The following TEX9 variants were observed in gnomAD, a reference collection of about 807,000 sequenced individuals.
TEX9 encodes the protein testis-expressed protein 9.
TEX9 carries 74 observed loss-of-function variants against 59.6 expected under a neutral mutation model. The observed-to-expected ratio is 1.24, with a 90% CI of 1.03 to 1.51. The LOEUF (loss-of-function observed/expected upper bound fraction) is 1.51, where lower values mean the gene tolerates loss of function less well. Ranked by LOEUF, TEX9 falls within the 40% of genes most tolerant of loss-of-function variation. TEX9 has a pLI of 0.00. For missense variants in TEX9, 522 were observed against 447.8 expected, an observed-to-expected ratio of 1.17 and a Z score of -1.49; for synonymous variants, 186 against 152.2, an observed-to-expected ratio of 1.22 and a Z score of -1.64.
intron 1 of TEX9, among the ~76,000 whole-genome samples, chr15:56,322,417 G>A (rs1000327169): frequency 1.3e-5 from 2 of 152,298 alleles, no homozygotes; most frequent in Non-Finnish European, 1.5e-5. Flanking sequence ...AACCATCGTG[G>A]TCATGCAGAA....
chr15:56,453,301 TTTC>T, the TEX9 span, among the ~76,000 whole-genome samples: 1 of 152,204 alleles, frequency 6.6e-6, no homozygotes, highest in African/African-American at 2.4e-5. Context: ...TGGGATCATT[TTTC>T]TTCTTCTATT....
At chr15:56,399,159 G>A (rs557702048) in intron 9 of TEX9, among the ~76,000 whole-genome samples, 4 of 152,286 alleles carry the variant, frequency 2.6e-5, no homozygotes, top group East Asian at 1.9e-4. Context: ...GTGGGGTGTC[G>A]CCTTACCCGG....
At chr15:56,378,660 T>A (rs778122058) in intron 3 of TEX9, among the ~76,000 whole-genome samples, 3 of 152,194 alleles carry the variant, frequency 2.0e-5, no homozygotes, top group Non-Finnish European at 4.4e-5. Flanking sequence ...AAACCAACTT[T>A]TTGTTTCATT....
chr15:56,378,405 T>C (rs2047562800), intron 3 of TEX9, among the ~76,000 whole-genome samples: 1 of 152,086 alleles, frequency 6.6e-6, no homozygotes, highest in Non-Finnish European at 1.5e-5. Context: ...TACTTATTAT[T>C]GTTCTGTTTA....
chr15:56,365,509 C>G, intron 1 of TEX9, 32 bp downstream of exon 1: 1 of 1,614,206 alleles, frequency 6.2e-7, no homozygotes. Flanking sequence ...TGGGGAGCGT[C>G]TGGGTTCCGG....
intron 4 of TEX9, 40 bp from the exon 5 acceptor site, chr15:56,388,432 C>T: frequency 6.8e-7 from 1 of 1,464,458 alleles, no homozygotes; most frequent in Admixed American, 1.7e-5. Context: ...AGCTCAGTGT[C>T]ATCTATTATT....
chr15:56,427,984 G>A (rs1467981731), intron 11 of TEX9, among the ~76,000 whole-genome samples: 1 of 151,928 alleles, frequency 6.6e-6, no homozygotes, highest in African/African-American at 2.4e-5. Context: ...TACAGTATAG[G>A]TACTTCTCAA....
intron 9 of TEX9, among the ~76,000 whole-genome samples, chr15:56,406,303 T>G (rs930442906): frequency 6.6e-6 from 1 of 152,204 alleles, no homozygotes; most frequent in Admixed American, 6.5e-5. Flanking sequence ...TTCCTTGTAT[T>G]GCTCCATATT....
chr15:56,260,329 C>T (rs1470598499), intron 1 of TEX9, among the ~76,000 whole-genome samples: 1 of 151,842 alleles, frequency 6.6e-6, no homozygotes, highest in Non-Finnish European at 1.5e-5. Context: ...GAAAGCATTC[C>T]ATATTTCACC....
intron 1 of TEX9, among the ~76,000 whole-genome samples, chr15:56,272,658 T>C (rs1476194883): frequency 2.0e-5 from 3 of 152,212 alleles, no homozygotes; most frequent in African/African-American, 4.8e-5. Context: ...ATGTGGTAAC[T>C]CTATTTTTAA....
intron 12 of TEX9, among the ~76,000 whole-genome samples, chr15:56,435,149 T>G (rs535415631): frequency 1.3e-5 from 2 of 152,208 alleles, no homozygotes; most frequent in East Asian, 1.9e-4. Context: ...AAAGCAGTTC[T>G]GAGAAACATT....
intron 1 of TEX9, among the ~76,000 whole-genome samples, chr15:56,335,434 T>C (rs1361958056): frequency 6.6e-6 from 1 of 152,118 alleles, no homozygotes; most frequent in Non-Finnish European, 1.5e-5. Context: ...TACTCATTTG[T>C]GGGAGCCAAA....
intron 9 of TEX9, among the ~76,000 whole-genome samples, chr15:56,399,748 G>A (rs1219891565): frequency 6.6e-6 from 1 of 152,204 alleles, no homozygotes; most frequent in Non-Finnish European, 1.5e-5. Context: ...TACCCCTCTG[G>A]GACGAAGCTC....
At chr15:56,364,466 CTTTTTTT>C (rs55845567), upstream of TEX9, among the ~76,000 whole-genome samples, 1 of 139,608 alleles carries the variant, frequency 7.2e-6, no homozygotes, top group Non-Finnish European at 1.6e-5. Flanking sequence ...TTTTTCTTTT[CTTTTTTT>C]TTTTTTTTGC....
chr15:56,322,027 G>C (rs1467591062), intron 1 of TEX9, among the ~76,000 whole-genome samples: 2 of 152,084 alleles, frequency 1.3e-5, no homozygotes, highest in African/African-American at 4.8e-5. Context: ...CTAGGCATAT[G>C]TCAGAATTCA....
At chr15:56,263,755 T>A (rs879190567) in intron 1 of TEX9, among the ~76,000 whole-genome samples, 4 of 152,192 alleles carry the variant, frequency 2.6e-5, no homozygotes, top group Admixed American at 2.6e-4. Flanking sequence ...CTCTTTTCTA[T>A]CCCTCTAGTT....
chr15:56,345,056 T>TATAC lies in TEX9; in HGVS notation c.-106-28384_-106-28383insTACA, dbSNP rs1448864845. Among the ~76,000 whole-genome samples, 1,204 of 134,276 alleles carry TATAC rather than the reference T, an allele frequency of 9.0e-3. 19 individuals are homozygous for TATAC. The highest frequency in any genetic ancestry group is 0.025 in the African/African-American group (974 of 38,748). The allele number at this position is 134,276 out of a possible 152,430, so 88.1% of individuals were successfully genotyped here. On this transcript the variant is annotated intron_variant, in intron 1 of 5. Coordinates refer to the TEX9 transcript ENST00000560827. ...CTATCTGGATATATATATATATATA[T>TATAC]ACACACACACATATATATATGTATA...
chr15:56,424,512 TG>T (rs2050147853), intron 10 of TEX9, among the ~76,000 whole-genome samples: 1 of 152,178 alleles, frequency 6.6e-6, no homozygotes, highest in Non-Finnish European at 1.5e-5. Flanking sequence ...GGTCTGTTGC[TG>T]TTTGTTCACA....
At chr15:56,396,546 T>C (rs944248142) in intron 9 of TEX9, 6 of 150,104 alleles carry the variant, frequency 4.0e-5, no homozygotes, top group African/African-American at 9.8e-5. Context: ...TAGAATCGCA[T>C]TGGATATAGA....
Sources: allele counts gnomAD v4.1 joint callset (sites outside exome capture counted in the v4.1 genomes callset), GRCh38; gene constraint gnomAD v4.1.1; transcripts MANE v1.5; gene names NCBI Gene and HGNC (gene_info 2026-07-23, HGNC 2026-07-21).